CFAP299: variants seen among roughly 807,000 people sequenced by gnomAD.
The protein encoded by CFAP299 is cilia and flagella associated protein 299.
In CFAP299, 21 loss-of-function variants were observed where a neutral mutation model predicts 27.0. The ratio of observed to expected loss-of-function variants is 0.78; its 90% CI spans 0.55 to 1.12. CFAP299 has a LOEUF of 1.12. Among genes scored for constraint, CFAP299 ranks in the 50% most tolerant of loss-of-function variants. CFAP299 has a pLI of 0.00. For synonymous variants in CFAP299, 104 were observed against 98.1 expected (o/e 1.06, Z -0.36); for missense variants, 310 against 276.6 (o/e 1.12, Z -0.86).
rs1043304902 is a variant in CFAP299, at chr4:80,691,481, C to T, written c.333+108298C>T. 4.9e-4 allele frequency among the ~76,000 whole-genome samples: 75 copies of T among 152,148 alleles called. 2 individuals carry two copies. The highest frequency in any genetic ancestry group is 6.2e-4 in the South Asian group (3 of 4,812). On this transcript the variant is annotated intron_variant, in intron 3 of 5. Transcript: ENST00000358105. The stretch of plus-strand genomic sequence containing the variant: ...CAATAGATGCAGAAAAGGCCTTTGA[C>T]AAAATTCAGCAATGCTTCATGCTAA...
At chr4:80,702,463 A>G (rs934576430) in intron 3 of CFAP299, among the ~76,000 whole-genome samples, 1 of 151,898 alleles carries the variant, frequency 6.6e-6, no homozygotes, top group African/African-American at 2.4e-5. Context: ...ACCTTACCAA[A>G]TGTCTGAAAT....
chr4:80,478,771 A>G (rs1730409696), intron 2 of CFAP299, among the ~76,000 whole-genome samples: 1 of 151,428 alleles, frequency 6.6e-6, no homozygotes, highest in Admixed American at 6.6e-5. Flanking sequence ...AGACATTGTT[A>G]TAGTGGAGTG....
intron 2 of CFAP299, among the ~76,000 whole-genome samples, chr4:80,547,338 A>C (rs1400491111): frequency 6.6e-6 from 1 of 152,210 alleles, no homozygotes; most frequent in East Asian, 1.9e-4. Flanking sequence ...CAGAAGATTG[A>C]AACTGGACCC....
chr4:80,582,501 TC>T (rs1736223109), intron 2 of CFAP299, among the ~76,000 whole-genome samples: 1 of 151,920 alleles, frequency 6.6e-6, no homozygotes, highest in Non-Finnish European at 1.5e-5. Flanking sequence ...ACTCTTGAAC[TC>T]ACTATTATGT....
At chr4:80,480,269 A>AT (rs1730491625) in intron 2 of CFAP299, among the ~76,000 whole-genome samples, 1 of 146,900 alleles carries the variant, frequency 6.8e-6, no homozygotes, top group African/African-American at 2.7e-5. Context: ...GGCATAATAA[A>AT]ATTTTTTTTA....
chr4:80,899,488 G>C (rs1037209962), intron 4 of CFAP299, among the ~76,000 whole-genome samples: 3 of 152,120 alleles, frequency 2.0e-5, no homozygotes, highest in African/African-American at 7.2e-5. Flanking sequence ...AGGAAACGTA[G>C]AGCACAATCT....
chr4:80,583,179 T>C lies in CFAP299; in HGVS notation c.329T>C (p.Leu110Pro). The C allele has an allele frequency of 1.9e-6, 3 of 1,598,902 alleles. 1 individual carries two copies. In the South Asian group the frequency reaches 3.4e-5, roughly 18 times the overall value. Residue 110 changes from leucine to proline, a missense_variant, in exon 3 of 6, where the codon CTG (leucine) becomes CCG (proline). Coordinates refer to ENST00000358105, the MANE Select transcript of CFAP299 (RefSeq NM_152770.3). The part of the protein sequence containing the change: ...MREEDNRSGK[L>P]SSVIFIRDRN... ...GAAGAAGACAATCGCAGTGGAAAAC[T>C]GAGTGTAAGTACATTTCATCCAACA... is the stretch of plus-strand genomic sequence containing the variant.
chr4:80,416,390 G>A (rs924336837), intron 2 of CFAP299, among the ~76,000 whole-genome samples: 1 of 151,984 alleles, frequency 6.6e-6, no homozygotes, highest in African/African-American at 2.4e-5. Context: ...AAGACCTACT[G>A]TCCTCTCCTC....
intron 2 of CFAP299, among the ~76,000 whole-genome samples, chr4:80,582,281 G>A (rs1736210121): frequency 6.6e-6 from 1 of 151,696 alleles, no homozygotes; most frequent in Non-Finnish European, 1.5e-5. Context: ...TGTTATTCCA[G>A]TTATCACATG....
chr4:80,683,129 T>C (rs17004968), intron 3 of CFAP299, among the ~76,000 whole-genome samples: 6,940 of 152,278 alleles, frequency 0.046, 553 homozygotes, highest in African/African-American at 0.16. Flanking sequence ...GAATTTACTA[T>C]TCCATGGACT....
At position 80,558,680 on chromosome 4, in the gene CFAP299, GA is replaced by G. The variant is rs905031744; in HGVS notation, c.243-24403del. Among the ~76,000 whole-genome samples, 117 of 144,696 alleles carry G rather than the reference GA, an allele frequency of 8.1e-4. 1 individual carries two copies. The highest frequency in any genetic ancestry group is 4.8e-3 in the South Asian group (22 of 4,540). 94.9% of individuals were successfully genotyped at this position (144,696 alleles called of 152,430 possible). A position where few individuals can be genotyped will look rare whatever the true frequency, so the allele number is the denominator to read the frequency against. ...CGACTTAGACTATTTCAGAGCATTG[GA>G]AAAAAAAAAGGAAAACTTCTAAATT... On this transcript the variant is annotated intron_variant, in intron 2 of 5. Transcript: ENST00000358105.
rs537143059 is a variant in CFAP299, at chr4:80,534,736, A to G, written c.243-48357A>G. The stretch of plus-strand genomic sequence containing the variant: ...GACACTAGAAATGTCACTAAAATTG[A>G]TTTTCATTTATTAACACTTGTATAG... On this transcript the variant is annotated intron_variant, in intron 2 of 5. Coordinates refer to ENST00000358105, the MANE Select transcript of CFAP299 (RefSeq NM_152770.3). 5.9e-5 allele frequency among the ~76,000 whole-genome samples: 9 copies of G among 152,250 alleles called. No homozygotes were observed. The East Asian group carries it at 1.7e-3, about 29-fold the overall frequency.
chr4:80,553,673 G>T (rs1734642159), intron 2 of CFAP299, among the ~76,000 whole-genome samples: 1 of 151,886 alleles, frequency 6.6e-6, no homozygotes, highest in Non-Finnish European at 1.5e-5. Context: ...TTATTTTTTT[G>T]ACTTTTTAAT....
chr4:80,900,928 A>G (rs1005166920), intron 4 of CFAP299, among the ~76,000 whole-genome samples: 27 of 152,082 alleles, frequency 1.8e-4, no homozygotes, highest in African/African-American at 6.3e-4. Flanking sequence ...ATAAAAACCA[A>G]CCCACAGTAG....
chr4:80,670,424 T>C (rs1189806984), intron 3 of CFAP299, among the ~76,000 whole-genome samples: 1 of 152,214 alleles, frequency 6.6e-6, no homozygotes, highest in East Asian at 1.9e-4. Context: ...CTTTCTGCTA[T>C]TGTGAATAGT....
intron 3 of CFAP299, among the ~76,000 whole-genome samples, chr4:80,658,396 G>A (rs1191452261): frequency 1.3e-5 from 2 of 152,020 alleles, no homozygotes; most frequent in Non-Finnish European, 2.9e-5. Flanking sequence ...ATTATTTTGA[G>A]GTACATTCCA....
chr4:80,737,491 A>T (rs1723976744), intron 3 of CFAP299, among the ~76,000 whole-genome samples: 1 of 152,022 alleles, frequency 6.6e-6, no homozygotes, highest in Non-Finnish European at 1.5e-5. Context: ...CAGGTTTTAG[A>T]TTTCTTCATG....
intron 3 of CFAP299, among the ~76,000 whole-genome samples, chr4:80,745,384 G>A (rs1246774293): frequency 6.6e-6 from 1 of 152,046 alleles, no homozygotes; most frequent in Admixed American, 6.6e-5. Context: ...TTAATTAATT[G>A]AAGTTGCAGC....
intron 2 of CFAP299, among the ~76,000 whole-genome samples, chr4:80,534,890 A>G (rs935014704): frequency 2.6e-5 from 4 of 152,196 alleles, no homozygotes; most frequent in African/African-American, 9.6e-5. Context: ...AAATGTAAGA[A>G]TAATTGAAAT....
Sources: allele counts gnomAD v4.1 joint callset (sites outside exome capture counted in the v4.1 genomes callset), GRCh38; gene constraint gnomAD v4.1.1; transcripts MANE v1.5; gene names NCBI Gene and HGNC (gene_info 2026-07-23, HGNC 2026-07-21).